Variants in NRXN3 observed in about 807,000 individuals in gnomAD.
NRXN3 encodes neurexin 3.
In NRXN3, 32 loss-of-function variants were observed where a neutral mutation model predicts 137.6. The observed-to-expected ratio is 0.23, with a 90% CI of 0.18 to 0.31. The LOEUF is 0.31. Ranked by LOEUF, NRXN3 falls within the 10% of genes least tolerant of loss-of-function variation. The pLI, the probability that NRXN3 is intolerant of heterozygous loss-of-function variation, is 1.00. For synonymous variants in NRXN3, 798 were observed against 784.5 expected, an observed-to-expected ratio of 1.02 and a Z score of -0.29; for missense variants, 1,574 against 2,062.5, an observed-to-expected ratio of 0.76 and a Z score of 4.59.
At chr14:78,770,775 G>A (rs1422062868) in intron 8 of NRXN3, among the ~76,000 whole-genome samples, 1 of 152,166 alleles carries the variant, frequency 6.6e-6, no homozygotes, top group Admixed American at 6.5e-5. Flanking sequence ...AACAAAGTAA[G>A]TAAGGCAAGG....
At chr14:78,978,971 C>T (rs1367465322) in intron 14 of NRXN3, among the ~76,000 whole-genome samples, 1 of 151,704 alleles carries the variant, frequency 6.6e-6, no homozygotes, top group Non-Finnish European at 1.5e-5. Context: ...AGCCCAAGAA[C>T]CAGGAGCACA....
intron 16 of NRXN3, among the ~76,000 whole-genome samples, chr14:79,578,041 A>G (rs2097681581): frequency 6.6e-6 from 1 of 152,230 alleles, no homozygotes; most frequent in East Asian, 1.9e-4. Flanking sequence ...GAAAGCTTGC[A>G]GTCTGCAAAA....
intron 16 of NRXN3, among the ~76,000 whole-genome samples, chr14:79,620,037 A>G (rs964331097): frequency 6.6e-6 from 1 of 152,136 alleles, no homozygotes; most frequent in Non-Finnish European, 1.5e-5. Context: ...GCCTACTTGC[A>G]TCTGGAGTTG....
intron 16 of NRXN3, among the ~76,000 whole-genome samples, chr14:79,504,655 G>GTATGTATA (rs1555491977): frequency 1.9e-5 from 2 of 104,220 alleles, no homozygotes; most frequent in African/African-American, 6.9e-5. Flanking sequence ...ATATATATAT[G>GTATGTATA]TATATATATA....
At chr14:78,913,274 C>CTTTTTTT (rs1157942892) in intron 10 of NRXN3, among the ~76,000 whole-genome samples, 67 of 47,856 alleles carry the variant, frequency 1.4e-3, no homozygotes, top group Middle Eastern at 0.017. Context: ...TTCTTTCTTT[C>CTTTTTTT]TTTTTTTTTT....
At chr14:79,730,795 G>T (rs939870762) in intron 19 of NRXN3, among the ~76,000 whole-genome samples, 1 of 152,128 alleles carries the variant, frequency 6.6e-6, no homozygotes, top group Non-Finnish European at 1.5e-5. Flanking sequence ...CTTACTGTAA[G>T]TTTTTCAGCA....
chr14:79,530,074 G>A lies in NRXN3; in HGVS notation c.3444+62672G>A, dbSNP rs568614724. 5.9e-5 allele frequency among the ~76,000 whole-genome samples: 9 copies of A among 152,228 alleles called. No individual in the cohort carries two copies. The East Asian group carries it at 1.5e-3, about 26-fold the overall frequency. ...ATCTGGAAATACCTAAAAACATCTT[G>A]AACATACCTTAAAAGTAACATGTTT... On this transcript the variant is annotated intron_variant, in intron 16 of 20. Transcript: ENST00000335750.
intron 15 of NRXN3, among the ~76,000 whole-genome samples, chr14:79,404,142 G>T (rs1466045603): frequency 6.6e-6 from 1 of 152,118 alleles, no homozygotes; most frequent in Admixed American, 6.6e-5. Context: ...CACAGCAAAA[G>T]AAACTATCAA....
intron 15 of NRXN3, among the ~76,000 whole-genome samples, chr14:79,302,521 G>C (rs933835522): frequency 6.6e-6 from 1 of 151,902 alleles, no homozygotes; most frequent in African/African-American, 2.4e-5. Context: ...ACTACAGAGT[G>C]AGAGCTCAAT....
rs371311659 is a variant in NRXN3, at chr14:79,551,698, C to T, written c.3444+84296C>T. ...CCAGGGACTGGCTTTTGAACAGCAG[C>T]TGTTCTCAGTGAAACTGAAATGCGC... On this transcript the variant is annotated intron_variant, in intron 16 of 20. Transcript: ENST00000335750. Among the ~76,000 whole-genome samples the T allele has an allele frequency of 3.9e-5, 6 of 152,156 alleles. No homozygotes were observed. In the East Asian group the frequency reaches 9.6e-4, roughly 24 times the overall value.
intron 4 of NRXN3, chr14:78,614,850 T>C: frequency 2.4e-6 from 1 of 415,228 alleles, no homozygotes; most frequent in East Asian, 7.2e-5. Context: ...TATGATGCAA[T>C]TTAGGGCACT....
At chr14:78,249,064 C>G (rs2068169166) in intron 2 of NRXN3, among the ~76,000 whole-genome samples, 1 of 152,200 alleles carries the variant, frequency 6.6e-6, no homozygotes, top group African/African-American at 2.4e-5. Flanking sequence ...CTTCAATTAT[C>G]CCTCTTTTAA....
At chr14:78,461,027 A>C (rs2192413) in intron 4 of NRXN3, among the ~76,000 whole-genome samples, 151,821 of 152,342 alleles carry the variant, frequency 1, 75,654 homozygotes, top group Middle Eastern at 1. Context: ...CATATATTCA[A>C]AGAAACGTTT....
chr14:79,681,089 T>C (rs1414763985), intron 17 of NRXN3, among the ~76,000 whole-genome samples: 1 of 152,172 alleles, frequency 6.6e-6, no homozygotes, highest in African/African-American at 2.4e-5. Flanking sequence ...ATCTCTTCTT[T>C]TGGATTTGGT....
intron 4 of NRXN3, among the ~76,000 whole-genome samples, chr14:78,427,552 G>A (rs1156302779): frequency 6.6e-6 from 1 of 152,216 alleles, no homozygotes; most frequent in Non-Finnish European, 1.5e-5. Context: ...ACTCTGGAAG[G>A]AGCCTTCCGA....
intron 15 of NRXN3, among the ~76,000 whole-genome samples, chr14:79,110,934 G>A (rs367948502): frequency 1.3e-5 from 2 of 151,908 alleles, no homozygotes; most frequent in African/African-American, 4.8e-5. Context: ...GGGACTACAG[G>A]CACCCGCCAC....
intron 10 of NRXN3, among the ~76,000 whole-genome samples, chr14:78,877,595 A>T (rs746655987): frequency 6.6e-6 from 1 of 152,346 alleles, no homozygotes; most frequent in East Asian, 1.9e-4. Context: ...ATAACACAGT[A>T]TCTTGCCTGT....
At chr14:79,317,738 G>A (rs1011283045) in intron 15 of NRXN3, among the ~76,000 whole-genome samples, 1 of 152,156 alleles carries the variant, frequency 6.6e-6, no homozygotes, top group African/African-American at 2.4e-5. Flanking sequence ...TAGAATGAAA[G>A]TTTTAGAACA....
intron 19 of NRXN3, among the ~76,000 whole-genome samples, chr14:79,801,788 T>G (rs2099182197): frequency 6.6e-6 from 1 of 152,110 alleles, no homozygotes; most frequent in Non-Finnish European, 1.5e-5. Context: ...AACAAATCTT[T>G]GGGCAAAGTG....
Sources: gnomAD v4.1 joint callset for allele counts (sites outside exome capture counted in the v4.1 genomes callset) on GRCh38, gnomAD v4.1.1 for gene constraint, MANE v1.5 for transcripts, NCBI Gene and HGNC (gene_info 2026-07-23, HGNC 2026-07-21) for gene names.